Variants in CLDN16 observed in about 807,000 individuals in gnomAD.
CLDN16 encodes the protein claudin 16.
Under a neutral mutation model 24.6 loss-of-function variants are expected in CLDN16, and 13 were observed. That is an observed-to-expected ratio of 0.53 (90% CI 0.34 to 0.84). The LOEUF is 0.84. CLDN16 is among the 40% of genes least tolerant of loss of function. CLDN16 has a pLI of 0.01. For missense variants in CLDN16, 298 were observed against 292.7 expected, an observed-to-expected ratio of 1.02 and a Z score of -0.13; for synonymous variants, 116 against 106.7, an observed-to-expected ratio of 1.09 and a Z score of -0.54.
At chr3:190,315,545 A>G in the CLDN16 span, among the ~76,000 whole-genome samples, 2 of 152,200 alleles carry the variant, frequency 1.3e-5, no homozygotes, top group African/African-American at 4.8e-5. Flanking sequence ...CAGCATAGAG[A>G]TCACACAATC....
chr3:190,321,959 C>T (rs1418450003), upstream of CLDN16: 5 of 1,598,050 alleles, frequency 3.1e-6, no homozygotes, highest in South Asian at 3.3e-5. Context: ...TCTGGACGGC[C>T]GCTGTGAGGT....
In CLDN16 at chr3:190,398,742, G is replaced by A. The variant is rs147157998; in HGVS notation, c.115-3595G>A. On this transcript the variant is annotated intron_variant, in intron 1 of 4. Coordinates refer to ENST00000264734, the MANE Select transcript of CLDN16 (RefSeq NM_006580.4). ...TTATTGAGCATATCATTTATATTGCGTGTGTATTTGTAATTTTTAATTCTT... is the reference window on the plus strand; with the variant it reads ...TTATTGAGCATATCATTTATATTGCATGTGTATTTGTAATTTTTAATTCTT... Among the ~76,000 whole-genome samples the A allele has an allele frequency of 1.9e-3, 295 of 152,064 alleles. 3 individuals carry two copies. Among genetic ancestry groups the A allele is most frequent in the African/African-American group, 6.6e-3 (275 of 41,496 alleles).
At chr3:190,329,127 G>C (rs192492759) in intron 1 of CLDN16, among the ~76,000 whole-genome samples, 3 of 152,066 alleles carry the variant, frequency 2.0e-5, no homozygotes, top group Non-Finnish European at 4.4e-5. Flanking sequence ...TTATTTTTTG[G>C]GGGGGAGGCA....
chr3:190,337,213 T>C (rs1717330733), intron 1 of CLDN16, among the ~76,000 whole-genome samples: 1 of 152,212 alleles, frequency 6.6e-6, no homozygotes, highest in South Asian at 2.1e-4. Flanking sequence ...TGTAATCCAA[T>C]TTTGTTGAGT....
intron 1 of CLDN16, among the ~76,000 whole-genome samples, chr3:190,324,328 T>C (rs1577394848): frequency 6.6e-6 from 1 of 151,648 alleles, no homozygotes; most frequent in East Asian, 2.0e-4. Context: ...ACTAACAATA[T>C]GAAAATTAGC....
intron 1 of CLDN16, among the ~76,000 whole-genome samples, chr3:190,340,779 G>A (rs1244002111): frequency 6.6e-6 from 1 of 152,152 alleles, no homozygotes; most frequent in Non-Finnish European, 1.5e-5. Flanking sequence ...CTATGAGCCT[G>A]TGTAAAATCA....
intron 2 of CLDN16, among the ~76,000 whole-genome samples, chr3:190,372,007 T>C (rs1439366683): frequency 6.6e-6 from 1 of 151,830 alleles, no homozygotes; most frequent in Non-Finnish European, 1.5e-5. Context: ...CATATAAGGG[T>C]GTCTTAGTCT....
At chr3:190,387,204 A>G (rs940037891), upstream of CLDN16, among the ~76,000 whole-genome samples, 6 of 152,212 alleles carry the variant, frequency 3.9e-5, no homozygotes, top group African/African-American at 1.2e-4. Context: ...AAATGTTGAT[A>G]TATGTGCTTT....
chr3:190,389,475 A>G (rs1306504235), intron 1 of CLDN16, among the ~76,000 whole-genome samples: 1 of 152,210 alleles, frequency 6.6e-6, no homozygotes, highest in Non-Finnish European at 1.5e-5. Flanking sequence ...GGAGTTCCAA[A>G]TGGAAAGTAA....
intron 1 of CLDN16, among the ~76,000 whole-genome samples, chr3:190,369,243 G>A (rs1223676595): frequency 6.6e-6 from 1 of 151,902 alleles, no homozygotes; most frequent in Non-Finnish European, 1.5e-5. Flanking sequence ...CAAGGAGACA[G>A]AATAAAGCAA....
At chr3:190,291,584 T>C in the CLDN16 span, among the ~76,000 whole-genome samples, 1 of 152,122 alleles carries the variant, frequency 6.6e-6, no homozygotes, top group African/African-American at 2.4e-5. Flanking sequence ...TTGAGATGTA[T>C]TTGGGTAGAA....
the CLDN16 span, among the ~76,000 whole-genome samples, chr3:190,310,483 A>T: frequency 0.25 from 38,005 of 152,108 alleles, 5,755 homozygotes; most frequent in Middle Eastern, 0.36. Context: ...CTTTTTTATG[A>T]TATCTTGGCA....
At chr3:190,379,687 T>C (rs2108652212) in intron 3 of CLDN16, among the ~76,000 whole-genome samples, 1 of 152,214 alleles carries the variant, frequency 6.6e-6, no homozygotes, top group South Asian at 2.1e-4. Flanking sequence ...TCCCTGCTCC[T>C]AAGTTGTTTA....
chr3:190,309,053 G>C, the CLDN16 span, among the ~76,000 whole-genome samples: 1 of 152,100 alleles, frequency 6.6e-6, no homozygotes, highest in African/African-American at 2.4e-5. Flanking sequence ...AGAAGGGTTG[G>C]TTCTATAAGT....
the CLDN16 span, among the ~76,000 whole-genome samples, chr3:190,311,415 C>T: frequency 3.3e-5 from 5 of 152,162 alleles, no homozygotes; most frequent in African/African-American, 1.2e-4. Flanking sequence ...AACTGAGAGA[C>T]TGGTCATTTT....
chr3:190,378,121 A>G (rs906731999), intron 3 of CLDN16, among the ~76,000 whole-genome samples: 1 of 152,038 alleles, frequency 6.6e-6, no homozygotes, highest in African/African-American at 2.4e-5. Context: ...TTCCTTGTCC[A>G]TTAAACACAT....
At chr3:190,301,989 A>G in the CLDN16 span, among the ~76,000 whole-genome samples, 1 of 152,182 alleles carries the variant, frequency 6.6e-6, no homozygotes, top group Non-Finnish European at 1.5e-5. Flanking sequence ...GTCATATCCT[A>G]TATATTTTAA....
chr3:190,354,786 A>G (rs1247020782), intron 1 of CLDN16, among the ~76,000 whole-genome samples: 1 of 152,144 alleles, frequency 6.6e-6, no homozygotes, highest in East Asian at 1.9e-4. Context: ...AGCAGGGAGA[A>G]GAGATGGGAA....
chr3:190,291,514 C>A, the CLDN16 span, among the ~76,000 whole-genome samples: 2 of 152,068 alleles, frequency 1.3e-5, no homozygotes, highest in African/African-American at 4.8e-5. Context: ...TGGGGGAAAC[C>A]ACCTCCATGA....
Sources: gnomAD v4.1 joint callset for allele counts (sites outside exome capture counted in the v4.1 genomes callset) on GRCh38, gnomAD v4.1.1 for gene constraint, MANE v1.5 for transcripts, NCBI Gene and HGNC (gene_info 2026-07-23, HGNC 2026-07-21) for gene names.